The following KDM2A variants were observed in gnomAD, a reference collection of about 807,000 sequenced individuals.
KDM2A encodes the protein lysine-specific demethylase 2A.
A neutral mutation model predicts 137.3 loss-of-function variants in KDM2A; 3 were observed. The observed-to-expected ratio is 0.02, with a 90% CI of 0.01 to 0.06. The LOEUF is 0.06. KDM2A is among the 10% of genes least tolerant of loss of function. The pLI, the probability that KDM2A is intolerant of heterozygous loss-of-function variation, is 1.00. For missense variants in KDM2A, 738 were observed against 1,510.6 expected (o/e 0.49, Z 8.48); for synonymous variants, 512 against 541.5 (o/e 0.95, Z 0.76).
In KDM2A at chr11:67,134,297, G is replaced by A. The variant is rs1312918529; in HGVS notation, c.42+12939G>A. Among the ~76,000 whole-genome samples, 4 of 152,210 alleles carry A rather than the reference G, an allele frequency of 2.6e-5. No homozygotes were observed. In the East Asian group the frequency reaches 7.7e-4, roughly 29 times the overall value. ...ATGGTCAGACTGGGGTAGTGCTACT[G>A]GTATTTAATGAGTAGAGGCTAGGGA... On this transcript the variant is annotated intron_variant, in intron 2 of 20. Transcript: ENST00000529006.
At chr11:67,154,728 C>T (rs1364651691) in intron 2 of KDM2A, among the ~76,000 whole-genome samples, 1 of 152,194 alleles carries the variant, frequency 6.6e-6, no homozygotes, top group Admixed American at 6.5e-5. Context: ...CATGAACCAC[C>T]ATGCCCAGCC....
chr11:67,201,429 C>T (rs369298523), intron 5 of KDM2A, among the ~76,000 whole-genome samples: 5 of 151,774 alleles, frequency 3.3e-5, no homozygotes, highest in African/African-American at 1.2e-4. Flanking sequence ...CCCTTGAGGC[C>T]AGGAGTTTGA....
chr11:67,215,646 A>G (rs1159067699), intron 7 of KDM2A, 200 bp downstream of exon 7: 7 of 624,580 alleles, frequency 1.1e-5, no homozygotes, highest in Admixed American at 3.0e-5. Context: ...TTAAAGGAAA[A>G]AAAACTTACA....
chr11:67,240,985 CAGG>C (rs1052029073), intron 12 of KDM2A, among the ~76,000 whole-genome samples: 1 of 152,168 alleles, frequency 6.6e-6, no homozygotes, highest in Non-Finnish European at 1.5e-5. Context: ...AAAAATCTTG[CAGG>C]TAGAATTAGA....
At chr11:67,124,637 T>TTTA (rs1357955939) in intron 2 of KDM2A, among the ~76,000 whole-genome samples, 2 of 148,162 alleles carry the variant, frequency 1.3e-5, no homozygotes, top group African/African-American at 5.0e-5. Flanking sequence ...TTTTTTTTTT[T>TTTA]AAACAAGGTA....
At chr11:67,181,262 T>TC in intron 3 of KDM2A, 58 bp from the exon 4 acceptor site, 2 of 1,104,130 alleles carry the variant, frequency 1.8e-6, no homozygotes, top group Middle Eastern at 2.0e-4. Context: ...CTTTTTATGG[T>TC]CCTTTTATCG....
rs1042601769 is a variant in KDM2A at position 67,237,947 on chromosome 11, T to C, written c.1480-5062T>C. On this transcript the variant is annotated intron_variant, in intron 12 of 20. Transcript: ENST00000529006. ...AAAAAAAAAAATTTATATCCTGTTA[T>C]AGGATATATTTATTTATACAAATAA... Among the ~76,000 whole-genome samples, 10 of 152,052 alleles carry C rather than the reference T, an allele frequency of 6.6e-5. No homozygotes were observed. The East Asian group carries it at 1.3e-3, about 21-fold the overall frequency.
At chr11:67,159,144 G>A (rs1856582895) in intron 2 of KDM2A, among the ~76,000 whole-genome samples, 1 of 152,088 alleles carries the variant, frequency 6.6e-6, no homozygotes, top group Non-Finnish European at 1.5e-5. Context: ...TTTTATAGTT[G>A]TGTGATTTTC....
At chr11:67,247,071 ATTTTTTTTTTTTTTTTTTT>A (rs1156333048) in intron 15 of KDM2A, among the ~76,000 whole-genome samples, 1 of 16,790 alleles carries the variant, frequency 6.0e-5, no homozygotes, top group Non-Finnish European at 1.1e-4. Context: ...ATATATATAT[ATTTTTTTTTTTTTTTTTTT>A]TTTTTTTTTT....
intron 1 of KDM2A, among the ~76,000 whole-genome samples, chr11:67,120,301 C>T (rs1472197585): frequency 6.6e-6 from 1 of 152,188 alleles, no homozygotes; most frequent in Non-Finnish European, 1.5e-5. Context: ...GAGGGCTCTG[C>T]CTCTAACTGC....
At chr11:67,234,296 C>A (rs1565417576) in intron 12 of KDM2A, among the ~76,000 whole-genome samples, 1 of 152,162 alleles carries the variant, frequency 6.6e-6, no homozygotes, top group Non-Finnish European at 1.5e-5. Flanking sequence ...GTGCTTATAG[C>A]ACTGATGGCT....
chr11:67,243,141 G>A, intron 13 of KDM2A, 49 bp downstream of exon 13: 1 of 1,344,528 alleles, frequency 7.4e-7, no homozygotes, highest in Non-Finnish European at 1.1e-6. Context: ...CCTTTTGTTA[G>A]TTGATCATTA....
intron 10 of KDM2A, among the ~76,000 whole-genome samples, chr11:67,223,013 A>G (rs1248788080): frequency 2.0e-5 from 3 of 151,822 alleles, no homozygotes; most frequent in Admixed American, 6.6e-5. Flanking sequence ...AGCAACATGA[A>G]GAAACCCTGT....
intron 6 of KDM2A, among the ~76,000 whole-genome samples, chr11:67,212,083 C>A (rs1858012131): frequency 6.6e-6 from 1 of 152,046 alleles, no homozygotes; most frequent in Non-Finnish European, 1.5e-5. Flanking sequence ...ATTGCTTGAG[C>A]CCAGGAGTTT....
intron 5 of KDM2A, among the ~76,000 whole-genome samples, chr11:67,189,795 G>A (rs1405086730): frequency 1.3e-5 from 2 of 152,012 alleles, no homozygotes; most frequent in East Asian, 1.9e-4. Flanking sequence ...AGCCAAGATC[G>A]CACATTGCAC....
At position 67,219,337 on chromosome 11, in the gene KDM2A, C is replaced by T; in HGVS notation, c.891C>T (p.Gly297=). ...CTACAGACACATTAGTGTTTGGGGGCAATTTTTTGCATAGCTTCAACATCC... is the reference window on the plus strand; with the variant it reads ...CTACAGACACATTAGTGTTTGGGGGTAATTTTTTGCATAGCTTCAACATCC... ...YTPTDTLVFG[G]NFLHSFNIPM... The change falls in exon 10 of 21, where the codon GGC becomes GGT. Residue 297 remains glycine, a synonymous_variant. Coordinates refer to ENST00000529006, the MANE Select transcript of KDM2A (RefSeq NM_012308.3). The T allele has an allele frequency of 3.7e-6, 6 of 1,611,138 alleles. No homozygotes were observed. The highest frequency in any genetic ancestry group is 5.1e-6 in the Non-Finnish European group (6 of 1,178,594).
At position 67,187,730 on chromosome 11, in the gene KDM2A, C is replaced by T. The variant is rs547329923; in HGVS notation, c.307+5838C>T. Among the ~76,000 whole-genome samples, 182 of 152,220 alleles carry T rather than the reference C, an allele frequency of 1.2e-3. 3 individuals carry two copies. Among genetic ancestry groups the T allele is most frequent in the African/African-American group, 3.5e-3 (145 of 41,522 alleles). On this transcript the variant is annotated intron_variant, in intron 5 of 20. Coordinates refer to ENST00000529006, the MANE Select transcript of KDM2A (RefSeq NM_012308.3). ...CTGGATTTACAGGTGCCCGCCACCA[C>T]GCCCGGCTAAATTTTGTATTTTTAG...
chr11:67,252,143 G>A (rs1859447459), intron 17 of KDM2A, among the ~76,000 whole-genome samples: 1 of 152,208 alleles, frequency 6.6e-6, no homozygotes. Context: ...TTGAGGGTGA[G>A]AGAGGACTCT....
chr11:67,242,990 T>C lies in KDM2A; in HGVS notation c.1480-19T>C. The C allele has an allele frequency of 6.2e-7, 1 of 1,610,008 alleles. No homozygotes were observed. The highest frequency in any genetic ancestry group is 8.5e-7 in the Non-Finnish European group (1 of 1,176,502). On this transcript the variant is annotated intron_variant, in intron 12 of 20. Transcript: ENST00000529006. ...TTCACCCTGCCCTGATTTTTCCTTC[T>C]TTTCCCTCCTACCCTTAGATTTTGC...
Sources: gnomAD v4.1 joint callset for allele counts (sites outside exome capture counted in the v4.1 genomes callset) on GRCh38, gnomAD v4.1.1 for gene constraint, MANE v1.5 for transcripts, NCBI Gene and HGNC (gene_info 2026-07-23, HGNC 2026-07-21) for gene names.